The following NUP37 variants were observed in gnomAD, a reference collection of about 807,000 sequenced individuals.
NUP37 encodes nucleoporin Nup37.
Under a neutral mutation model 45.4 loss-of-function variants are expected in NUP37, and 33 were observed. That is an observed-to-expected ratio of 0.73 (90% CI 0.55 to 0.97). The LOEUF is 0.97. Among genes scored for constraint, NUP37 ranks in the 50% least tolerant of loss-of-function variants. The pLI, the probability that NUP37 is intolerant of heterozygous loss-of-function variation, is 0.00. For missense variants in NUP37, 365 were observed against 389.7 expected (o/e 0.94, Z 0.53); for synonymous variants, 127 against 130.7 (o/e 0.97, Z 0.19).
chr12:102,105,623 G>A (rs1395705146), intron 3 of NUP37, among the ~76,000 whole-genome samples: 2 of 151,966 alleles, frequency 1.3e-5, no homozygotes, highest in Admixed American at 1.3e-4. Flanking sequence ...TAGCACTTCC[G>A]GTGGCCAAGG....
At chr12:102,104,568 TC>T (rs1880070427) in intron 3 of NUP37, among the ~76,000 whole-genome samples, 1 of 152,204 alleles carries the variant, frequency 6.6e-6, no homozygotes, top group Non-Finnish European at 1.5e-5. Flanking sequence ...AAAGCTTCTC[TC>T]AGATATTTTC....
chr12:102,093,501 A>G (rs948301616), intron 5 of NUP37, among the ~76,000 whole-genome samples: 1 of 152,116 alleles, frequency 6.6e-6, no homozygotes, highest in Non-Finnish European at 1.5e-5. Flanking sequence ...TCTCAACTGC[A>G]AAGAAATACC....
intron 2 of NUP37, among the ~76,000 whole-genome samples, 194 bp from the exon 3 acceptor site, chr12:102,112,426 T>C (rs1350570713): frequency 6.6e-6 from 1 of 152,108 alleles, no homozygotes; most frequent in African/African-American, 2.4e-5. Context: ...ACAAAATAAC[T>C]CTCTAAGGCA....
At chr12:102,111,962 T>C (rs780524414) in intron 3 of NUP37, 146 bp downstream of exon 3, 22 of 691,008 alleles carry the variant, frequency 3.2e-5, no homozygotes, top group Non-Finnish European at 4.2e-5. Context: ...GCCTAAATTA[T>C]TAAGTAGTAG....
Position 102,099,103 on chromosome 12 carries a change from T to C in NUP37, c.449+3A>G. 2 of 1,589,938 alleles carry C rather than the reference T, an allele frequency of 1.3e-6. No individual in the cohort carries two copies. The highest frequency in any genetic ancestry group is 1.7e-6 in the Non-Finnish European group (2 of 1,157,964). On this transcript the variant is annotated splice_donor_region_variant and intron_variant, in intron 5 of 9. Coordinates refer to ENST00000552283, the MANE Select transcript of NUP37 (RefSeq NM_024057.4). ...AAATGTGGTTATAACATAAGCAACA[T>C]ACCTGCAGGTGTGATCGTCACTCAC...
chr12:102,108,177 C>T (rs1219663098), intron 3 of NUP37, among the ~76,000 whole-genome samples: 1 of 152,120 alleles, frequency 6.6e-6, no homozygotes, highest in Non-Finnish European at 1.5e-5. Flanking sequence ...AAGACCCACC[C>T]TCAGGAAGAC....
At chr12:102,089,970 C>A (rs1407906111) in intron 5 of NUP37, among the ~76,000 whole-genome samples, 1 of 152,196 alleles carries the variant, frequency 6.6e-6, no homozygotes, top group Non-Finnish European at 1.5e-5. Context: ...CATACACACA[C>A]ACACACCTGC....
intron 5 of NUP37, among the ~76,000 whole-genome samples, chr12:102,087,444 G>T (rs1261725543): frequency 2.0e-5 from 3 of 152,184 alleles, no homozygotes; most frequent in Admixed American, 6.5e-5. Context: ...CAATTTAGAA[G>T]CATACTGTTC....
At chr12:102,096,695 T>C (rs1049944155) in intron 5 of NUP37, among the ~76,000 whole-genome samples, 4 of 152,202 alleles carry the variant, frequency 2.6e-5, no homozygotes, top group Non-Finnish European at 5.9e-5. Context: ...AATATATATG[T>C]GATATTGTAA....
chr12:102,102,936 A>G (rs1327195700), intron 3 of NUP37, among the ~76,000 whole-genome samples: 2 of 152,066 alleles, frequency 1.3e-5, no homozygotes, highest in South Asian at 2.1e-4. Flanking sequence ...TGGGCTCTCT[A>G]TCTTATTCTA....
intron 5 of NUP37, among the ~76,000 whole-genome samples, chr12:102,091,750 G>A (rs1411783708): frequency 1.3e-5 from 2 of 152,114 alleles, no homozygotes; most frequent in Admixed American, 6.5e-5. Context: ...CAATTTGAAC[G>A]ATAATTATAA....
intron 1 of NUP37, among the ~76,000 whole-genome samples, chr12:102,119,574 G>A (rs1480489265): frequency 6.6e-6 from 1 of 152,152 alleles, no homozygotes; most frequent in East Asian, 1.9e-4. Flanking sequence ...GCTGGACTCA[G>A]TAACAAACAT....
intron 6 of NUP37, among the ~76,000 whole-genome samples, chr12:102,080,203 G>C (rs1456259300): frequency 6.6e-6 from 1 of 152,182 alleles, no homozygotes; most frequent in African/African-American, 2.4e-5. Context: ...AATTATTTCA[G>C]AATATAGACA....
intron 5 of NUP37, among the ~76,000 whole-genome samples, chr12:102,096,927 A>G (rs577737721): frequency 6.6e-6 from 1 of 152,180 alleles, no homozygotes; most frequent in African/African-American, 2.4e-5. Context: ...GTAAATTCTA[A>G]AAATACTCCT....
chr12:102,077,652 C>CA, intron 6 of NUP37, 149 bp from the exon 7 acceptor site: 1 of 809,616 alleles, frequency 1.2e-6, no homozygotes, highest in Non-Finnish European at 1.9e-6. Context: ...TGCAATGCTC[C>CA]AAAAACTAAA....
intron 6 of NUP37, among the ~76,000 whole-genome samples, chr12:102,079,582 T>C (rs1388624727): frequency 6.6e-6 from 1 of 152,212 alleles, no homozygotes; most frequent in Non-Finnish European, 1.5e-5. Flanking sequence ...GATTCATTAA[T>C]ATAGACCTCA....
At chr12:102,108,543 AAACTCCCCTTC>A (rs1880222595) in intron 3 of NUP37, among the ~76,000 whole-genome samples, 2 of 152,174 alleles carry the variant, frequency 1.3e-5, no homozygotes, top group Admixed American at 1.3e-4. Context: ...ACTCCTTAAT[AAACTCCCCTTC>A]ATATATACAT....
intron 6 of NUP37, among the ~76,000 whole-genome samples, chr12:102,079,692 C>T (rs756900316): frequency 1.3e-5 from 2 of 152,154 alleles, no homozygotes; most frequent in African/African-American, 2.4e-5. Flanking sequence ...AGAACACTAG[C>T]CAGCACTACA....
intron 2 of NUP37, among the ~76,000 whole-genome samples, 172 bp downstream of exon 2, chr12:102,118,191 T>A (rs1308676841): frequency 1.3e-5 from 2 of 152,192 alleles, no homozygotes; most frequent in Admixed American, 6.5e-5. Flanking sequence ...CTATATAATG[T>A]TTACATAAAT....
Sources: gnomAD v4.1 joint callset for allele counts (sites outside exome capture counted in the v4.1 genomes callset) on GRCh38, gnomAD v4.1.1 for gene constraint, MANE v1.5 for transcripts, NCBI Gene and HGNC (gene_info 2026-07-23, HGNC 2026-07-21) for gene names.